Variants in EXOC4 observed in about 807,000 individuals in gnomAD.
EXOC4 encodes the protein SEC8-like 1.
In EXOC4, 71 loss-of-function variants were observed where a neutral mutation model predicts 107.2. That is an observed-to-expected ratio of 0.66 (90% CI 0.55 to 0.81). The LOEUF is 0.81. Among genes scored for constraint, EXOC4 ranks in the 30% least tolerant of loss-of-function variants. EXOC4 has a pLI of 0.00. For missense variants in EXOC4, 1,108 were observed against 1,189.6 expected (o/e 0.93, Z 1.01); for synonymous variants, 456 against 441.2 (o/e 1.03, Z -0.42).
intron 11 of EXOC4, among the ~76,000 whole-genome samples, chr7:133,824,625 A>G (rs1054603244): frequency 6.6e-6 from 1 of 152,118 alleles, no homozygotes; most frequent in Non-Finnish European, 1.5e-5. Context: ...GTGCCTTAAA[A>G]CAACACAAAT....
At chr7:133,320,235 C>G (rs749088110) in intron 5 of EXOC4, among the ~76,000 whole-genome samples, 2 of 152,182 alleles carry the variant, frequency 1.3e-5, no homozygotes, top group Non-Finnish European at 2.9e-5. Flanking sequence ...AATTTATTAT[C>G]TTACAGTTTT....
chr7:133,373,879 A>G (rs989658127), intron 6 of EXOC4, among the ~76,000 whole-genome samples: 2 of 152,208 alleles, frequency 1.3e-5, no homozygotes, highest in South Asian at 4.1e-4. Flanking sequence ...AATAATGGAG[A>G]AGTGAGGTAA....
At chr7:134,063,973 A>G (rs1796129046) in intron 17 of EXOC4, among the ~76,000 whole-genome samples, 1 of 152,116 alleles carries the variant, frequency 6.6e-6, no homozygotes, top group South Asian at 2.1e-4. Flanking sequence ...TTCAGGCTAT[A>G]CCCCTACTTT....
At chr7:134,029,200 T>C (rs1473682205) in intron 17 of EXOC4, among the ~76,000 whole-genome samples, 1 of 152,218 alleles carries the variant, frequency 6.6e-6, no homozygotes, top group Non-Finnish European at 1.5e-5. Flanking sequence ...CTCCTCACTG[T>C]GGGAGTTCCA....
chr7:133,951,280 A>G (rs1008906445), intron 14 of EXOC4, among the ~76,000 whole-genome samples: 2 of 152,210 alleles, frequency 1.3e-5, no homozygotes, highest in African/African-American at 4.8e-5. Flanking sequence ...ATAGAGGAGT[A>G]TGGGCTTGTC....
At chr7:134,022,109 C>T (rs1795043637) in intron 17 of EXOC4, among the ~76,000 whole-genome samples, 1 of 151,922 alleles carries the variant, frequency 6.6e-6, no homozygotes, top group Non-Finnish European at 1.5e-5. Context: ...TTGTGAAAAA[C>T]ATAAAGTAAT....
rs554156294 is a variant in EXOC4 at position 134,000,351 on chromosome 7, G to A, written c.2348+2718G>A. 3.9e-5 allele frequency among the ~76,000 whole-genome samples: 6 copies of A among 152,232 alleles called. 1 individual carries two copies. In the East Asian group the frequency reaches 1.2e-3, roughly 29 times the overall value. On this transcript the variant is annotated intron_variant, in intron 15 of 17. Coordinates refer to ENST00000253861, the MANE Select transcript of EXOC4 (RefSeq NM_021807.4). ...TCTAGTATAATAACGCTAGAATAGA[G>A]GTGTCTGCTAAGTGCTCTGGGGGCG... is the stretch of plus-strand genomic sequence containing the variant.
intron 14 of EXOC4, among the ~76,000 whole-genome samples, chr7:133,991,320 T>C (rs1189767887): frequency 6.6e-6 from 1 of 152,146 alleles, no homozygotes; most frequent in Non-Finnish European, 1.5e-5. Flanking sequence ...TATTGAGTTG[T>C]TTGAGTCCCT....
At chr7:133,550,472 TC>T (rs1231256445) in intron 9 of EXOC4, among the ~76,000 whole-genome samples, 1 of 152,172 alleles carries the variant, frequency 6.6e-6, no homozygotes, top group Non-Finnish European at 1.5e-5. Flanking sequence ...AAAATGTAAC[TC>T]TAAGTTTGAG....
intron 9 of EXOC4, among the ~76,000 whole-genome samples, chr7:133,529,802 C>G (rs1283206482): frequency 6.6e-6 from 1 of 152,110 alleles, no homozygotes; most frequent in Non-Finnish European, 1.5e-5. Context: ...TCTGGAGATT[C>G]AGATTTATAT....
intron 10 of EXOC4, among the ~76,000 whole-genome samples, chr7:133,673,163 A>G (rs1226134638): frequency 1.3e-5 from 2 of 152,158 alleles, no homozygotes; most frequent in African/African-American, 2.4e-5. Flanking sequence ...TAAAGAGCCA[A>G]ACATCTGCTT....
intron 9 of EXOC4, among the ~76,000 whole-genome samples, chr7:133,491,150 C>T (rs1012397770): frequency 6.6e-6 from 1 of 152,120 alleles, no homozygotes; most frequent in Non-Finnish European, 1.5e-5. Flanking sequence ...TTTGGCTTCT[C>T]CACAATTTTA....
chr7:133,335,717 T>C (rs1403672124), intron 5 of EXOC4, among the ~76,000 whole-genome samples: 1 of 152,242 alleles, frequency 6.6e-6, no homozygotes. Flanking sequence ...AATTGCCAGA[T>C]CATATGGTAA....
intron 7 of EXOC4, among the ~76,000 whole-genome samples, chr7:133,430,989 G>C (rs1563063098): frequency 1.3e-5 from 2 of 152,164 alleles, no homozygotes; most frequent in Non-Finnish European, 2.9e-5. Context: ...TAAATACTAG[G>C]TGCTTAGCAA....
chr7:133,495,563 T>A (rs933018874), intron 9 of EXOC4, among the ~76,000 whole-genome samples: 1 of 152,224 alleles, frequency 6.6e-6, no homozygotes, highest in East Asian at 1.9e-4. Context: ...CTCTTAGTTT[T>A]ACCTATTCTT....
downstream of EXOC4, among the ~76,000 whole-genome samples, chr7:134,070,997 T>C (rs1796267205): frequency 1.3e-5 from 2 of 152,216 alleles, no homozygotes; most frequent in African/African-American, 4.8e-5. Flanking sequence ...TTATTTACTG[T>C]GTGAGAGAGA....
chr7:133,476,240 C>A (rs1277874240), intron 8 of EXOC4, among the ~76,000 whole-genome samples: 1 of 152,036 alleles, frequency 6.6e-6, no homozygotes, highest in Admixed American at 6.5e-5. Flanking sequence ...ATTACAACAA[C>A]CTTATAGGCA....
chr7:133,827,966 T>C (rs1409215640), intron 11 of EXOC4, among the ~76,000 whole-genome samples: 1 of 152,200 alleles, frequency 6.6e-6, no homozygotes, highest in Non-Finnish European at 1.5e-5. Flanking sequence ...GATTACTTTC[T>C]ATCATGAGTA....
chr7:133,916,186 C>T lies in EXOC4; in HGVS notation c.1872-1397C>T, dbSNP rs73438983. On this transcript the variant is annotated intron_variant, in intron 12 of 17. Coordinates refer to ENST00000253861, the MANE Select transcript of EXOC4 (RefSeq NM_021807.4). ...TAAGGAGCATGTGATCTAGATCCCT[C>T]GCATGCGCGGTTCACAATAGAATTT... Among the ~76,000 whole-genome samples, 492 of 152,302 alleles carry T rather than the reference C, an allele frequency of 3.2e-3. 5 individuals are homozygous for T. The highest frequency in any genetic ancestry group is 0.011 in the African/African-American group (461 of 41,578).
Sources: allele counts gnomAD v4.1 joint callset (sites outside exome capture counted in the v4.1 genomes callset), GRCh38; gene constraint gnomAD v4.1.1; transcripts MANE v1.5; gene names NCBI Gene and HGNC (gene_info 2026-07-23, HGNC 2026-07-21).